C12orf42: variants seen among roughly 807,000 people sequenced by gnomAD.
C12orf42 encodes the protein uncharacterized protein C12orf42.
C12orf42 carries 25 observed loss-of-function variants against 21.6 expected under a neutral mutation model. The observed-to-expected ratio is 1.16, with a 90% CI of 0.84 to 1.62. C12orf42 has a LOEUF of 1.62. Ranked by LOEUF, C12orf42 falls within the 40% of genes most tolerant of loss-of-function variation. The pLI is 0.00. For synonymous variants in C12orf42, 174 were observed against 175.0 expected (o/e 0.99, Z 0.05); for missense variants, 483 against 459.3 (o/e 1.05, Z -0.47).
chr12:103,401,538 T>C (rs1418438136), intron 3 of C12orf42, 69 bp downstream of exon 3: 23 of 1,303,442 alleles, frequency 1.8e-5, no homozygotes, highest in Non-Finnish European at 2.4e-5. Context: ...TCTGCTTACA[T>C]GTAAAGCAAC....
chr12:103,486,905 C>G (rs535667699), intron 1 of C12orf42, among the ~76,000 whole-genome samples: 6 of 152,160 alleles, frequency 3.9e-5, no homozygotes, highest in Admixed American at 6.5e-5. Flanking sequence ...TTCAAAAAAC[C>G]AGCTCCTGGA....
the C12orf42 span, among the ~76,000 whole-genome samples, chr12:103,086,516 G>A: frequency 2.0e-5 from 3 of 150,004 alleles, no homozygotes; most frequent in South Asian, 6.5e-4. Flanking sequence ...GGCAATACGA[G>A]ATAATCTTAT....
chr12:103,413,961 T>C (rs557827655), intron 2 of C12orf42, among the ~76,000 whole-genome samples: 2 of 152,274 alleles, frequency 1.3e-5, no homozygotes, highest in South Asian at 2.1e-4. Flanking sequence ...TGTGCTGCTA[T>C]AAACATGCAT....
chr12:103,299,621 A>G (rs901005745), downstream of C12orf42, among the ~76,000 whole-genome samples: 1 of 152,230 alleles, frequency 6.6e-6, no homozygotes, highest in Non-Finnish European at 1.5e-5. Context: ...CTGTGAAACA[A>G]TTATTTTTTA....
At chr12:103,250,695 C>T (rs1008278732) in intron 10 of C12orf42, among the ~76,000 whole-genome samples, 2 of 152,112 alleles carry the variant, frequency 1.3e-5, no homozygotes, top group Admixed American at 6.6e-5. Context: ...ATAGCAGTCA[C>T]GTGACTTCAA....
chr12:103,294,594 A>AAG (rs1396521034), intron 4 of C12orf42, among the ~76,000 whole-genome samples: 1 of 132,460 alleles, frequency 7.5e-6, no homozygotes, highest in African/African-American at 2.9e-5. Context: ...GAAAGAAAGA[A>AAG]AGAAAGAAAG....
the C12orf42 span, among the ~76,000 whole-genome samples, chr12:103,116,440 G>A: frequency 6.7e-6 from 1 of 149,576 alleles, no homozygotes; most frequent in African/African-American, 2.5e-5. Context: ...GGGAAGATAG[G>A]GAACCTGCCT....
At chr12:103,546,953 C>T in the C12orf42 span, among the ~76,000 whole-genome samples, 1 of 152,184 alleles carries the variant, frequency 6.6e-6, no homozygotes, top group Admixed American at 6.5e-5. Context: ...TTAGCTTGTA[C>T]CTTTATCCAA....
chr12:103,546,484 A>G, the C12orf42 span, among the ~76,000 whole-genome samples: 43,263 of 152,014 alleles, frequency 0.28, 7,437 homozygotes, highest in African/African-American at 0.47. Context: ...GACAGGTTGA[A>G]CAAAATAAAC....
the C12orf42 span, among the ~76,000 whole-genome samples, chr12:103,210,646 T>TTTTC: frequency 6.7e-6 from 1 of 149,422 alleles, no homozygotes; most frequent in Non-Finnish European, 1.5e-5. Context: ...TTTCTTTTTT[T>TTTTC]TTTTTTTTTT....
intron 2 of C12orf42, among the ~76,000 whole-genome samples, chr12:103,413,960 A>G (rs1207620928): frequency 6.6e-6 from 1 of 152,098 alleles, no homozygotes; most frequent in Non-Finnish European, 1.5e-5. Context: ...TTGTGCTGCT[A>G]TAAACATGCA....
chr12:103,553,654 G>A, the C12orf42 span, among the ~76,000 whole-genome samples: 1 of 152,170 alleles, frequency 6.6e-6, no homozygotes, highest in Non-Finnish European at 1.5e-5. Context: ...TTCCCCTGAT[G>A]CTTGGCAAAT....
At chr12:103,407,596 AT>A (rs1363366724) in intron 2 of C12orf42, among the ~76,000 whole-genome samples, 1 of 152,238 alleles carries the variant, frequency 6.6e-6, no homozygotes, top group Non-Finnish European at 1.5e-5. Context: ...ACATACAAAA[AT>A]ATGTGTGTTA....
At chr12:103,165,607 T>TA in the C12orf42 span, among the ~76,000 whole-genome samples, 2 of 152,092 alleles carry the variant, frequency 1.3e-5, no homozygotes, top group South Asian at 4.1e-4. Context: ...CAAATGCAAT[T>TA]AAAAAAATCA....
intron 4 of C12orf42, among the ~76,000 whole-genome samples, chr12:103,327,874 T>C (rs2040854446): frequency 1.3e-5 from 2 of 152,222 alleles, no homozygotes; most frequent in Admixed American, 1.3e-4. Flanking sequence ...AGACCTCCTC[T>C]GTATTAAACA....
At chr12:103,256,071 A>AT (rs2034560349) in intron 10 of C12orf42, among the ~76,000 whole-genome samples, 1 of 51,206 alleles carries the variant, frequency 2.0e-5, no homozygotes, top group African/African-American at 6.9e-5. Flanking sequence ...AAAAAAAAAA[A>AT]AAAAAAAAAA....
chr12:103,151,325 G>T, the C12orf42 span, among the ~76,000 whole-genome samples: 1 of 145,980 alleles, frequency 6.9e-6, no homozygotes, highest in East Asian at 2.0e-4. Context: ...TATCAATTCT[G>T]CACAAACTCT....
At chr12:103,468,567 C>A (rs1435373784) in intron 2 of C12orf42, among the ~76,000 whole-genome samples, 2 of 152,124 alleles carry the variant, frequency 1.3e-5, no homozygotes, top group African/African-American at 4.8e-5. Context: ...ATTCAGATAT[C>A]TTTTACTCTG....
chr12:103,384,814 C>T (rs1022811490), intron 3 of C12orf42, among the ~76,000 whole-genome samples: 2 of 152,144 alleles, frequency 1.3e-5, no homozygotes, highest in East Asian at 3.8e-4. Context: ...ACAATTAGAG[C>T]CTCAGGGTTA....
Sources: gnomAD v4.1 joint callset for allele counts (sites outside exome capture counted in the v4.1 genomes callset) on GRCh38, gnomAD v4.1.1 for gene constraint, MANE v1.5 for transcripts, NCBI Gene and HGNC (gene_info 2026-07-23, HGNC 2026-07-21) for gene names.